TULP1: variants seen among roughly 807,000 people sequenced by gnomAD.
TULP1 encodes TUB like protein 1.
TULP1 carries 50 observed loss-of-function variants against 67.1 expected under a neutral mutation model. That is an observed-to-expected ratio of 0.75 (90% CI 0.59 to 0.94). TULP1 has a LOEUF of 0.94. Among genes scored for constraint, TULP1 ranks in the 40% least tolerant of loss-of-function variants. TULP1 has a pLI of 0.00. For missense variants in TULP1, 746 were observed against 734.1 expected (o/e 1.02, Z -0.19); for synonymous variants, 297 against 294.0 (o/e 1.01, Z -0.11).
At chr6:35,511,120 C>T in intron 4 of TULP1, 110 bp from the exon 5 acceptor site, 1 of 1,553,304 alleles carries the variant, frequency 6.4e-7, no homozygotes, top group Non-Finnish European at 8.6e-7. Context: ...AGAAGGGGAG[C>T]CTGCCCTTCT....
At chr6:35,499,537 G>A (rs1027941661) in intron 14 of TULP1, among the ~76,000 whole-genome samples, 4 of 152,234 alleles carry the variant, frequency 2.6e-5, no homozygotes, top group Non-Finnish European at 5.9e-5. Context: ...TAAACACTGT[G>A]TAAGTTTTGT....
At chr6:35,512,450 T>C (rs566439645) in intron 2 of TULP1, among the ~76,000 whole-genome samples, 180 bp from the exon 3 acceptor site, 53 of 152,050 alleles carry the variant, frequency 3.5e-4, no homozygotes, top group Admixed American at 3.3e-3. Context: ...TATCCAATGC[T>C]CCAAAGTCCC....
chr6:35,511,922 T>G, intron 3 of TULP1, 116 bp from the exon 4 acceptor site: 1 of 1,196,326 alleles, frequency 8.4e-7, no homozygotes, highest in Non-Finnish European at 1.1e-6. Flanking sequence ...CCTAGGGATC[T>G]CCCCTGGGCT....
intron 2 of TULP1, 114 bp from the exon 3 acceptor site, chr6:35,512,384 A>G (rs1761229428): frequency 5.9e-6 from 4 of 672,372 alleles, no homozygotes; most frequent in South Asian, 2.1e-5. Flanking sequence ...TCCGGGGGGA[A>G]CTGCAGCCCC....
chr6:35,500,239 ATGTG>A, intron 13 of TULP1, 87 bp from the exon 14 acceptor site: 12 of 1,436,894 alleles, frequency 8.4e-6, no homozygotes, highest in Non-Finnish European at 1.2e-5. Flanking sequence ...GGGCCTGGGC[ATGTG>A]TGCACAGGGG....
rs541387029 is a variant in TULP1 at position 35,502,927 on chromosome 6, TTTTTG to T, written c.1323+627_1323+631del. On this transcript the variant is annotated intron_variant, in intron 13 of 14. Transcript: ENST00000229771. ...GCTTCAGGGGGGCAGAGCTTTGGTT[TTTTTG>T]TTTTGTTTTGTTTTGTTTTTTATGA... Among the ~76,000 whole-genome samples the T allele has an allele frequency of 5.6e-3, 850 of 151,994 alleles. 11 individuals carry two copies. Among genetic ancestry groups the T allele is most frequent in the Non-Finnish European group, 6.4e-3 (432 of 67,976 alleles).
rs1365564991 is a variant in TULP1, at chr6:35,498,301, C to G, written c.*26G>C. The G allele has an allele frequency of 1.2e-6, 2 of 1,610,736 alleles. No homozygotes were observed. Among genetic ancestry groups the G allele is most frequent in the Non-Finnish European group, 1.7e-6 (2 of 1,179,202 alleles). ...ATCCTTTCCCCCACGCTGACGGGCT[C>G]TGGGGGCGCTGAGGGGCTGCTGGGG... On this transcript the variant is annotated 3_prime_UTR_variant, in exon 15 of 15. Transcript: ENST00000229771. The surrounding 1 kb of genome is among the most constrained non-coding windows in gnomAD (Gnocchi z 6.7).
intron 5 of TULP1, 48 bp from the exon 6 acceptor site, chr6:35,509,976 T>C (rs529784472): frequency 6.3e-7 from 1 of 1,583,844 alleles, no homozygotes; most frequent in South Asian, 1.1e-5. Context: ...CTACTGGGGC[T>C]GAAGGCTGCC....
rs1761184213 is a variant in TULP1, at chr6:35,510,864, T to G, written c.496A>C (p.Arg166=). 1.2e-6 allele frequency: 2 copies of G among 1,613,922 alleles called. No homozygotes were observed. The highest frequency in any genetic ancestry group is 1.3e-5 in the African/African-American group (1 of 75,074). ...TCTCAGCACCCTCAGCACCCACCCC[T>G]TGGGCCCTGGGCCTTGGCCCTCCTC... ...KERRAKAQGP[R]GDLGSPDPPP... is the part of the protein sequence containing the mutation. Residue 166 remains arginine, a synonymous_variant, in exon 5 of 15, where the codon AGG becomes CGG. Coordinates refer to ENST00000229771, the MANE Select transcript of TULP1 (RefSeq NM_003322.6).
In TULP1 at chr6:35,498,698, C is replaced by T. The variant is rs903090420; in HGVS notation, c.1496-238G>A. ...AGGGACCTTGCCTTTCTGCTGCTGC[C>T]ACAGGCCATGCCTAGAGCCCGCACC... On this transcript the variant is annotated intron_variant, in intron 14 of 14. Transcript: ENST00000229771. This position sits in a 1 kb window ranked among gnomAD's most constrained non-coding sequence, Gnocchi z 6.7. 1.1e-4 allele frequency among the ~76,000 whole-genome samples: 17 copies of T among 152,234 alleles called. No homozygotes were observed. The highest frequency in any genetic ancestry group is 4.1e-4 in the African/African-American group (17 of 41,458).
chr6:35,507,040 T>C (rs1175212510), intron 8 of TULP1, among the ~76,000 whole-genome samples: 1 of 151,966 alleles, frequency 6.6e-6, no homozygotes, highest in Admixed American at 6.6e-5. Flanking sequence ...TGTAGTCTCC[T>C]CCCACTGCAT....
rs1320773925 is a variant in TULP1, at chr6:35,498,317, G to T, written c.*10C>A. On this transcript the variant is annotated 3_prime_UTR_variant, in exon 15 of 15. Coordinates refer to ENST00000229771, the MANE Select transcript of TULP1 (RefSeq NM_003322.6). This position sits in a 1 kb window ranked among gnomAD's most constrained non-coding sequence, Gnocchi z 6.7. ...TGACGGGCTCTGGGGGCGCTGAGGG[G>T]CTGCTGGGGTCACTCGCAGGCCAGC... 6.2e-7 allele frequency: 1 copy of T among 1,611,786 alleles called. No homozygotes were observed. The highest frequency in any genetic ancestry group is 8.5e-7 in the Non-Finnish European group (1 of 1,179,396).
rs2067997 is a variant in TULP1, at chr6:35,503,469, T to C, written c.1323+90A>G. On this transcript the variant is annotated intron_variant, in intron 13 of 14. Coordinates refer to ENST00000229771, the MANE Select transcript of TULP1 (RefSeq NM_003322.6). This position sits in a 1 kb window ranked among gnomAD's most constrained non-coding sequence, Gnocchi z 4.0. ...TGAATTTGTGTTGGAGGGTGATGGA[T>C]GTGCTCAGGGAGTTGGCTATTTCCT... 0.13 allele frequency: 171,235 copies of C among 1,280,660 alleles called. 12,152 individuals carry two copies. Among genetic ancestry groups the C allele is most frequent in the African/African-American group, 0.21 (14,100 of 67,930 alleles). The allele number at this position is 1,280,660 out of a possible 1,614,324, so 79.3% of individuals were successfully genotyped here.
In TULP1 at chr6:35,505,833, C is replaced by G. The variant is rs749869293; in HGVS notation, c.1020G>C (p.Arg340Ser). 1 of 1,614,082 alleles carries G rather than the reference C, an allele frequency of 6.2e-7. No individual in the cohort carries two copies. Among genetic ancestry groups the G allele is most frequent in the African/African-American group, 1.3e-5 (1 of 74,926 alleles). ...TGGCTGTCTTGCTCCGTTTTCGTTT[C>G]CTGCCAGCCAAGAGGAACACCTGGG... ...TEKKVFLLAG[R>S]KRKRSKTANY... is the part of the protein sequence containing the mutation. Residue 340 changes from arginine to serine, a missense_variant, in exon 11 of 15, where the codon AGG (arginine) becomes AGC (serine). Arg to Ser is a moderately radical substitution (Grantham distance 110). Around this residue, in one of 3 missense-constraint regions of TULP1, gnomAD observed 383 missense variants for 374.1 expected, o/e 1.02. Coordinates refer to ENST00000229771, the MANE Select transcript of TULP1 (RefSeq NM_003322.6).
chr6:35,501,979 G>A (rs1760975947), intron 13 of TULP1, among the ~76,000 whole-genome samples: 1 of 151,930 alleles, frequency 6.6e-6, no homozygotes, highest in East Asian at 1.9e-4. Context: ...GGTTCCTCCA[G>A]TCCACCAGGG....
chr6:35,504,513 A>G lies in TULP1; in HGVS notation c.1113-665T>C, dbSNP rs78690019. On this transcript the variant is annotated intron_variant, in intron 11 of 14. Transcript: ENST00000229771. The stretch of plus-strand genomic sequence containing the variant: ...TGGGCTGAGCAACAGCATTTCCCTC[A>G]TTTGGACAATAAGAGGATTGAATGG... Among the ~76,000 whole-genome samples the G allele has an allele frequency of 1.4e-4, 22 of 152,184 alleles. No individual in the cohort carries two copies. The East Asian group carries it at 3.7e-3, about 25-fold the overall frequency.
In TULP1 at chr6:35,498,574, T is replaced by C; in HGVS notation, c.1496-114A>G. On this transcript the variant is annotated intron_variant, in intron 14 of 14. Coordinates refer to ENST00000229771, the MANE Select transcript of TULP1 (RefSeq NM_003322.6). This position sits in a 1 kb window ranked among gnomAD's most constrained non-coding sequence, Gnocchi z 6.7. ...GTCCCTTGCCTTGGGGCTCCAACCCTCAGCCACCATCTCAGTTACTCAACA... is the reference window on the plus strand; with the variant it reads ...GTCCCTTGCCTTGGGGCTCCAACCCCCAGCCACCATCTCAGTTACTCAACA... 1 of 1,482,154 alleles carries C rather than the reference T, an allele frequency of 6.7e-7. No homozygotes were observed. The highest frequency in any genetic ancestry group is 9.2e-7 in the Non-Finnish European group (1 of 1,091,038). 91.8% of individuals were successfully genotyped at this position (1,482,154 alleles called of 1,614,324 possible). A position where few individuals can be genotyped will look rare whatever the true frequency, so the allele number is the denominator to read the frequency against.
At chr6:35,511,286 G>A (rs1019106541) in intron 4 of TULP1, among the ~76,000 whole-genome samples, 3 of 152,150 alleles carry the variant, frequency 2.0e-5, no homozygotes, top group Admixed American at 6.5e-5. Flanking sequence ...CTCCTTACAC[G>A]CTCGCCTTGC....
At position 35,503,992 on chromosome 6, in the gene TULP1, A is replaced by G; in HGVS notation, c.1113-144T>C. 1.5e-6 allele frequency: 1 copy of G among 645,880 alleles called. No homozygotes were observed. The highest frequency in any genetic ancestry group is 2.7e-6 in the Non-Finnish European group (1 of 366,446). 40.0% of individuals were successfully genotyped at this position (645,880 alleles called of 1,614,324 possible). On this transcript the variant is annotated intron_variant, in intron 11 of 14. Transcript: ENST00000229771. The surrounding 1 kb of genome is among the most constrained non-coding windows in gnomAD (Gnocchi z 4.0). ...CTGAGCAATTCATGTCCCCTGCCCC[A>G]GGCTTCCCCCTATGCAGAGGTCTTT...
Sources: gnomAD v4.1 joint callset for allele counts (sites outside exome capture counted in the v4.1 genomes callset) on GRCh38, gnomAD v4.1.1 for gene constraint, gnomAD v4.1.1 regional missense constraint, Gnocchi (gnomAD v3.1) non-coding constraint, MANE v1.5 for transcripts, NCBI Gene and HGNC (gene_info 2026-07-23, HGNC 2026-07-21) for gene names.